CTNND2: variants seen among roughly 807,000 people sequenced by gnomAD.
The protein encoded by CTNND2 is catenin delta-2.
In CTNND2, 22 loss-of-function variants were observed where a neutral mutation model predicts 144.4. The observed-to-expected ratio is 0.15, with a 90% CI of 0.11 to 0.22. The LOEUF is 0.22. CTNND2 is among the 10% of genes least tolerant of loss of function. The pLI is 1.00. For synonymous variants in CTNND2, 751 were observed against 695.6 expected, an observed-to-expected ratio of 1.08 and a Z score of -1.25; for missense variants, 1,353 against 1,618.8, an observed-to-expected ratio of 0.84 and a Z score of 2.82.
At position 11,692,016 on chromosome 5, in the gene CTNND2, T is replaced by C. The variant is rs565189191; in HGVS notation, c.174+40120A>G. ...GGTTCTATAAAATGTAAAGGTTACA[T>C]AGCTAATCAACAAAAACTGTATGAT... On this transcript the variant is annotated intron_variant, in intron 2 of 21. Transcript: ENST00000304623. 5.9e-5 allele frequency among the ~76,000 whole-genome samples: 9 copies of C among 152,338 alleles called. No individual in the cohort carries two copies. In the South Asian group the frequency reaches 1.9e-3, roughly 32 times the overall value.
rs746463197 is a variant in CTNND2, at chr5:10,992,519, A to G, written c.3211+32T>C. The G allele has an allele frequency of 1.5e-5, 25 of 1,612,990 alleles. No homozygotes were observed. The Admixed American group carries it at 3.7e-4, about 24-fold the overall frequency. On this transcript the variant is annotated intron_variant, in intron 19 of 21. Transcript: ENST00000304623. ...ACCGTCTTTGCTCAACGAGAAATAAAGCCTGGCTGGCTAGCCACGGCAGCC... is the reference window on the plus strand; with the variant it reads ...ACCGTCTTTGCTCAACGAGAAATAAGGCCTGGCTGGCTAGCCACGGCAGCC...
At chr5:11,499,951 G>A (rs1404709535) in intron 3 of CTNND2, among the ~76,000 whole-genome samples, 3 of 151,908 alleles carry the variant, frequency 2.0e-5, no homozygotes, top group African/African-American at 7.3e-5. Context: ...TCCCATGCAT[G>A]CCCTAAAATT....
chr5:11,244,975 T>C (rs1257770411), intron 9 of CTNND2, among the ~76,000 whole-genome samples: 1 of 152,202 alleles, frequency 6.6e-6, no homozygotes, highest in Non-Finnish European at 1.5e-5. Context: ...AGACAAATTA[T>C]ATATGAGATA....
intron 3 of CTNND2, among the ~76,000 whole-genome samples, chr5:11,553,087 A>C (rs531815055): frequency 3.9e-5 from 6 of 152,356 alleles, no homozygotes; most frequent in Admixed American, 1.3e-4. Context: ...GTATCTATTC[A>C]AAGAGTCACT....
intron 2 of CTNND2, among the ~76,000 whole-genome samples, chr5:11,699,027 TAC>T (rs898570025): frequency 2.3e-4 from 32 of 141,910 alleles, no homozygotes; most frequent in Admixed American, 8.7e-4. Context: ...CATATATATA[TAC>T]ATATATATAT....
At chr5:11,026,108 G>A (rs1260051023) in intron 16 of CTNND2, among the ~76,000 whole-genome samples, 1 of 152,134 alleles carries the variant, frequency 6.6e-6, no homozygotes, top group Non-Finnish European at 1.5e-5. Context: ...TGGATCACCA[G>A]GTGGAGGTTG....
chr5:11,217,179 C>T (rs373021437), intron 10 of CTNND2, among the ~76,000 whole-genome samples: 30 of 152,152 alleles, frequency 2.0e-4, no homozygotes, highest in African/African-American at 7.0e-4. Flanking sequence ...AAAAGTCTTC[C>T]CAAGGTGGCA....
At chr5:11,499,519 C>G (rs1770336287) in intron 3 of CTNND2, among the ~76,000 whole-genome samples, 1 of 152,174 alleles carries the variant, frequency 6.6e-6, no homozygotes, top group African/African-American at 2.4e-5. Context: ...ACATTGTGGC[C>G]ACCTTGTTTC....
intron 11 of CTNND2, among the ~76,000 whole-genome samples, chr5:11,182,117 G>GGGTA (rs1735116264): frequency 8.1e-6 from 1 of 123,758 alleles, no homozygotes; most frequent in Non-Finnish European, 1.8e-5. Flanking sequence ...TGTGTGTGTG[G>GGGTA]TGTGTGTGTG....
At chr5:11,195,196 C>T (rs1380526671) in intron 11 of CTNND2, among the ~76,000 whole-genome samples, 18 of 151,652 alleles carry the variant, frequency 1.2e-4, no homozygotes, top group Admixed American at 1.2e-3. Context: ...CTAGATATAT[C>T]ACAAGAGAAT....
Position 11,718,591 on chromosome 5 carries a change from TCA to T in CTNND2, c.174+13543_174+13544del. Reference sequence around the variant, plus strand: ...CACAGCAACAAAAATGACCTGATTATCAAGAGTTCTAACACATTTTCTTTTTT... The same window carrying T: ...CACAGCAACAAAAATGACCTGATTATAGAGTTCTAACACATTTTCTTTTTT... On this transcript the variant is annotated intron_variant, in intron 2 of 21. Coordinates refer to ENST00000304623, the MANE Select transcript of CTNND2 (RefSeq NM_001332.4). Among the ~76,000 whole-genome samples the T allele has an allele frequency of 2.0e-5, 3 of 151,918 alleles. No individual in the cohort carries two copies. The South Asian group carries it at 6.2e-4, about 32-fold the overall frequency.
rs73052539 is a variant in CTNND2, at chr5:11,880,368, A to C, written c.37+23449T>G. On this transcript the variant is annotated intron_variant, in intron 1 of 21. Coordinates refer to ENST00000304623, the MANE Select transcript of CTNND2 (RefSeq NM_001332.4). ...TTAAGACTAGAATGATTAACACAAC[A>C]AAGTGCATTTAAGATGGTAATTTTA... is the stretch of plus-strand genomic sequence containing the variant. 5.5e-3 allele frequency among the ~76,000 whole-genome samples: 835 copies of C among 152,078 alleles called. 7 individuals are homozygous for C. Among genetic ancestry groups the C allele is most frequent in the African/African-American group, 0.019 (788 of 41,488 alleles).
At chr5:11,084,757 C>A (rs749944574) in intron 15 of CTNND2, among the ~76,000 whole-genome samples, 6 of 152,074 alleles carry the variant, frequency 3.9e-5, no homozygotes, top group Non-Finnish European at 8.8e-5. Flanking sequence ...TCTTCTAATT[C>A]TTGAAACTCC....
At chr5:10,993,280 T>C (rs61751686) in intron 18 of CTNND2, among the ~76,000 whole-genome samples, 2,070 of 152,322 alleles carry the variant, frequency 0.014, 48 homozygotes, top group African/African-American at 0.047. Flanking sequence ...TTCTGACATC[T>C]AGTTAATATA....
At chr5:10,998,469 A>G (rs2149509815) in intron 18 of CTNND2, among the ~76,000 whole-genome samples, 1 of 152,320 alleles carries the variant, frequency 6.6e-6, no homozygotes, top group East Asian at 1.9e-4. Flanking sequence ...TGAGACAAAC[A>G]TAAAATTTGT....
intron 2 of CTNND2, among the ~76,000 whole-genome samples, chr5:11,684,315 G>C (rs1022167318): frequency 2.0e-5 from 3 of 151,952 alleles, no homozygotes; most frequent in Non-Finnish European, 4.4e-5. Flanking sequence ...TGTTAGCCAG[G>C]ATGGTCTTGA....
chr5:11,800,539 C>A (rs766470010), intron 1 of CTNND2, among the ~76,000 whole-genome samples: 25 of 152,080 alleles, frequency 1.6e-4, no homozygotes, highest in Non-Finnish European at 2.5e-4. Context: ...ATAGGTCAGA[C>A]CTTTACTGTG....
intron 2 of CTNND2, among the ~76,000 whole-genome samples, chr5:11,684,109 AT>A (rs934676658): frequency 8.8e-4 from 129 of 146,456 alleles, no homozygotes; most frequent in Admixed American, 8.2e-4. Context: ...TTTATTTTTT[AT>A]TTTTTTTTTT....
chr5:11,114,397 G>T (rs1753338759), intron 13 of CTNND2, among the ~76,000 whole-genome samples: 1 of 152,092 alleles, frequency 6.6e-6, no homozygotes, highest in African/African-American at 2.4e-5. Flanking sequence ...AGGGAGGAAT[G>T]GGGGAAAGAA....
Sources: gnomAD v4.1 joint callset for allele counts (sites outside exome capture counted in the v4.1 genomes callset) on GRCh38, gnomAD v4.1.1 for gene constraint, MANE v1.5 for transcripts, NCBI Gene and HGNC (gene_info 2026-07-23, HGNC 2026-07-21) for gene names.